KCNH8: variants seen among roughly 807,000 people sequenced by gnomAD.
The protein encoded by KCNH8 is potassium voltage-gated channel subfamily H member 8, also known as voltage-gated delayed rectifier potassium channel KCNH8.
In KCNH8, 70 loss-of-function variants were observed where a neutral mutation model predicts 103.6. The ratio of observed to expected loss-of-function variants is 0.68; its 90% confidence interval spans 0.56 to 0.82. KCNH8 has a LOEUF of 0.82. Ranked by LOEUF, KCNH8 falls within the 40% of genes least tolerant of loss-of-function variation. KCNH8 has a pLI of 0.00. For synonymous variants in KCNH8, 498 were observed against 489.4 expected (o/e 1.02, Z -0.23); for missense variants, 1,217 against 1,329.9 (o/e 0.92, Z 1.32).
rs1021506312 is a variant in KCNH8 at position 19,371,726 on chromosome 3, G to C, written c.812-18755G>C. On this transcript the variant is annotated intron_variant, in intron 5 of 15. Transcript: ENST00000328405. The stretch of plus-strand genomic sequence containing the variant: ...ATGGTAATGCCTAGGTTTTCTTCTA[G>C]GGTTTTTATGGTTTTAGGTCTAACG... Among the ~76,000 whole-genome samples, 360 of 134,824 alleles carry C rather than the reference G, an allele frequency of 2.7e-3. 3 individuals are homozygous for C. The highest frequency in any genetic ancestry group is 0.01 in the African/African-American group (334 of 32,654). The allele number at this position is 134,824 out of a possible 152,430, so 88.4% of individuals were successfully genotyped here. A position where few individuals can be genotyped will look rare whatever the true frequency, so the allele number is the denominator to read the frequency against.
chr3:19,251,743 CA>C (rs899302592), intron 1 of KCNH8, among the ~76,000 whole-genome samples: 3 of 152,164 alleles, frequency 2.0e-5, no homozygotes, highest in African/African-American at 7.2e-5. Context: ...GGATAAAATT[CA>C]AAAGGTATAG....
chr3:19,244,595 A>G (rs2064181467), intron 1 of KCNH8, among the ~76,000 whole-genome samples: 1 of 152,202 alleles, frequency 6.6e-6, no homozygotes, highest in Admixed American at 6.5e-5. Context: ...AACAATGTAT[A>G]AGCATTCCCT....
intron 5 of KCNH8, among the ~76,000 whole-genome samples, chr3:19,378,822 G>A (rs1342571246): frequency 6.6e-6 from 1 of 152,182 alleles, no homozygotes; most frequent in Non-Finnish European, 1.5e-5. Context: ...AAACTTCAGA[G>A]CCTAATATCA....
At chr3:19,506,535 C>A (rs4417890) in intron 11 of KCNH8, among the ~76,000 whole-genome samples, 1 of 152,140 alleles carries the variant, frequency 6.6e-6, no homozygotes, top group African/African-American at 2.4e-5. Flanking sequence ...TGTATTTCCT[C>A]ATGATTGCAG....
intron 11 of KCNH8, among the ~76,000 whole-genome samples, chr3:19,500,241 C>T (rs1252649340): frequency 1.3e-5 from 2 of 152,132 alleles, no homozygotes; most frequent in Non-Finnish European, 2.9e-5. Context: ...GCTAACTATC[C>T]TAAATATATA....
At chr3:19,357,454 G>A (rs2065894307) in intron 5 of KCNH8, among the ~76,000 whole-genome samples, 1 of 151,104 alleles carries the variant, frequency 6.6e-6, no homozygotes, top group Non-Finnish European at 1.5e-5. Flanking sequence ...TGAGTATTTT[G>A]TTACTAATCA....
At chr3:19,467,432 T>G (rs980930136) in intron 11 of KCNH8, among the ~76,000 whole-genome samples, 4 of 152,174 alleles carry the variant, frequency 2.6e-5, no homozygotes, top group Non-Finnish European at 5.9e-5. Context: ...ATAGACACTG[T>G]GTATGCATTA....
chr3:19,228,032 A>T (rs2063951582), intron 1 of KCNH8, among the ~76,000 whole-genome samples: 1 of 152,068 alleles, frequency 6.6e-6, no homozygotes, highest in Non-Finnish European at 1.5e-5. Context: ...CTGTGAGAGG[A>T]GGCTAATTTG....
intron 15 of KCNH8, among the ~76,000 whole-genome samples, chr3:19,523,301 A>G (rs1226024030): frequency 6.6e-6 from 1 of 151,980 alleles, no homozygotes; most frequent in Non-Finnish European, 1.5e-5. Context: ...CTTTAGAGAA[A>G]ATTATTTTAT....
At chr3:19,500,397 G>A (rs887888494) in intron 11 of KCNH8, among the ~76,000 whole-genome samples, 4 of 152,016 alleles carry the variant, frequency 2.6e-5, no homozygotes, top group African/African-American at 9.7e-5. Context: ...AATCAACAAG[G>A]ATACCCAGGA....
At chr3:19,512,577 A>G (rs1278320393) in intron 12 of KCNH8, among the ~76,000 whole-genome samples, 1 of 152,202 alleles carries the variant, frequency 6.6e-6, no homozygotes, top group Non-Finnish European at 1.5e-5. Context: ...ACAAGGCCTA[A>G]GACCCTCCAT....
chr3:19,485,930 C>T (rs765161283), intron 11 of KCNH8, among the ~76,000 whole-genome samples: 12 of 152,174 alleles, frequency 7.9e-5, no homozygotes, highest in Non-Finnish European at 1.2e-4. Flanking sequence ...GCTCCATGCA[C>T]TTGAGAATTA....
intron 1 of KCNH8, among the ~76,000 whole-genome samples, chr3:19,251,931 C>T (rs1197288356): frequency 1.3e-5 from 2 of 152,112 alleles, no homozygotes; most frequent in East Asian, 3.9e-4. Flanking sequence ...CATATAATAA[C>T]ATACTATACT....
rs773361606 is a variant in KCNH8, at chr3:19,438,165, T to C, written c.1179T>C (p.Gly393=). Residue 393 remains glycine, a splice_region_variant and synonymous_variant, in exon 8 of 16, where the codon GGT becomes GGC. Coordinates refer to ENST00000328405, the MANE Select transcript of KCNH8 (RefSeq NM_144633.3). ...TTTGCTTTATTTCCTCCTTTGCAGG[T>C]TGGCTTCATGAGTTGGGAAAGAGAC... ...EDNSLLKWEV[G]WLHELGKRLE... 7 of 1,613,630 alleles carry C rather than the reference T, an allele frequency of 4.3e-6. No homozygotes were observed. The South Asian group carries it at 7.7e-5, about 18-fold the overall frequency.
intron 5 of KCNH8, among the ~76,000 whole-genome samples, chr3:19,355,297 A>T (rs928788684): frequency 6.6e-6 from 1 of 152,234 alleles, no homozygotes; most frequent in African/African-American, 2.4e-5. Context: ...ACTGTAAACT[A>T]GTTCACCCAT....
At chr3:19,406,822 G>C (rs1203683421) in intron 7 of KCNH8, among the ~76,000 whole-genome samples, 1 of 152,116 alleles carries the variant, frequency 6.6e-6, no homozygotes, top group Non-Finnish European at 1.5e-5. Context: ...CATAGATTGA[G>C]TGTTATAAAA....
intron 1 of KCNH8, among the ~76,000 whole-genome samples, chr3:19,149,809 T>A (rs2125177161): frequency 6.6e-6 from 1 of 152,348 alleles, no homozygotes; most frequent in South Asian, 2.1e-4. Flanking sequence ...TCATTTATCC[T>A]AAAGTCCTTC....
At chr3:19,226,568 CTGTT>C (rs1481802231) in intron 1 of KCNH8, among the ~76,000 whole-genome samples, 1 of 151,604 alleles carries the variant, frequency 6.6e-6, no homozygotes, top group Non-Finnish European at 1.5e-5. Flanking sequence ...CTCTCTCTCT[CTGTT>C]TCTTTCAGTC....
intron 3 of KCNH8, among the ~76,000 whole-genome samples, chr3:19,325,363 T>C (rs536752097): frequency 6.6e-6 from 1 of 152,008 alleles, no homozygotes; most frequent in African/African-American, 2.4e-5. Context: ...ACTAAAGAGC[T>C]CTACACAGCA....
Sources: allele counts gnomAD v4.1 joint callset (sites outside exome capture counted in the v4.1 genomes callset), GRCh38; gene constraint gnomAD v4.1.1; transcripts MANE v1.5; gene names NCBI Gene and HGNC (gene_info 2026-07-23, HGNC 2026-07-21).